JAKMIP2: variants seen among roughly 807,000 people sequenced by gnomAD.
The protein encoded by JAKMIP2 is janus kinase and microtubule interacting protein 2, also known as janus kinase and microtubule-interacting protein 2.
A neutral mutation model predicts 115.0 loss-of-function variants in JAKMIP2; 25 were observed. That is an observed-to-expected ratio of 0.22 (90% CI 0.16 to 0.30). JAKMIP2 has a LOEUF of 0.30. Ranked by LOEUF, JAKMIP2 falls within the 10% of genes least tolerant of loss-of-function variation. JAKMIP2 has a pLI of 1.00. For synonymous variants in JAKMIP2, 334 were observed against 343.6 expected, an observed-to-expected ratio of 0.97 and a Z score of 0.31; for missense variants, 642 against 957.6, an observed-to-expected ratio of 0.67 and a Z score of 4.35.
intron 1 of JAKMIP2, among the ~76,000 whole-genome samples, chr5:147,771,185 G>A (rs1183748525): frequency 6.6e-6 from 1 of 152,050 alleles, no homozygotes; most frequent in Non-Finnish European, 1.5e-5. Context: ...TAGCTTATTT[G>A]TTAAGAGCAA....
At chr5:147,742,155 A>ATATATATATATTTTTT in intron 1 of JAKMIP2, among the ~76,000 whole-genome samples, 2 of 108,884 alleles carry the variant, frequency 1.8e-5, no homozygotes, top group African/African-American at 3.8e-5. Flanking sequence ...ATATATATAT[A>ATATATATATATTTTTT]TTTTTTTTAC....
chr5:147,654,765 G>A (rs1758591124), intron 3 of JAKMIP2, among the ~76,000 whole-genome samples: 1 of 152,176 alleles, frequency 6.6e-6, no homozygotes, highest in African/African-American at 2.4e-5. Flanking sequence ...TAGGAGTGGT[G>A]AGAGAGGGCA....
At chr5:147,626,880 A>G (rs1007976905) in intron 16 of JAKMIP2, among the ~76,000 whole-genome samples, 1 of 152,162 alleles carries the variant, frequency 6.6e-6, no homozygotes, top group Non-Finnish European at 1.5e-5. Context: ...GCAGCCCTTC[A>G]TGATTCCAGC....
At chr5:147,723,787 C>T (rs866607857) in intron 1 of JAKMIP2, among the ~76,000 whole-genome samples, 3 of 152,276 alleles carry the variant, frequency 2.0e-5, no homozygotes, top group Middle Eastern at 6.8e-3. Flanking sequence ...GTCTTATCCA[C>T]CAGCCATGGC....
chr5:147,698,022 C>A (rs1481825104), intron 1 of JAKMIP2, among the ~76,000 whole-genome samples: 1 of 152,188 alleles, frequency 6.6e-6, no homozygotes, highest in African/African-American at 2.4e-5. Context: ...CACTCAACAG[C>A]AGCTGTGAAA....
intron 1 of JAKMIP2, among the ~76,000 whole-genome samples, chr5:147,743,442 C>T (rs1309967847): frequency 6.6e-6 from 1 of 152,170 alleles, no homozygotes; most frequent in Non-Finnish European, 1.5e-5. Flanking sequence ...AGGCATTAGA[C>T]TTTGATCTCA....
intron 19 of JAKMIP2, among the ~76,000 whole-genome samples, chr5:147,612,572 T>C (rs1417351038): frequency 1.3e-5 from 2 of 152,354 alleles, no homozygotes; most frequent in South Asian, 2.1e-4. Context: ...TAGAAAATCA[T>C]TGCTACTGAT....
chr5:147,724,445 A>C (rs1753436271), intron 1 of JAKMIP2, among the ~76,000 whole-genome samples: 1 of 152,230 alleles, frequency 6.6e-6, no homozygotes. Flanking sequence ...TAATAACAAT[A>C]AAAAGACAAA....
chr5:147,773,450 T>C (rs377085333), intron 1 of JAKMIP2, among the ~76,000 whole-genome samples: 2 of 135,230 alleles, frequency 1.5e-5, no homozygotes, highest in Admixed American at 1.5e-4. Flanking sequence ...AGACAGTTCA[T>C]GTTTTCAAAC....
intron 1 of JAKMIP2, among the ~76,000 whole-genome samples, chr5:147,753,343 A>G (rs1182586822): frequency 6.6e-6 from 1 of 152,208 alleles, no homozygotes; most frequent in African/African-American, 2.4e-5. Flanking sequence ...TTAATTCTAC[A>G]TACAGATTTA....
intron 3 of JAKMIP2, among the ~76,000 whole-genome samples, chr5:147,658,672 T>C (rs1280548335): frequency 6.6e-6 from 1 of 151,852 alleles, no homozygotes; most frequent in Non-Finnish European, 1.5e-5. Context: ...GAGATGAGAG[T>C]TCTGTCTGTA....
In JAKMIP2 at chr5:147,590,386, C is replaced by T. The variant is rs919718247; in HGVS notation, c.*1321G>A. The T allele has an allele frequency of 6.6e-6, 1 of 152,232 alleles. No individual in the cohort carries two copies. The highest frequency in any genetic ancestry group is 2.1e-4 in the South Asian group (1 of 4,814). The allele number at this position is 152,232 out of a possible 1,614,324, so 9.4% of individuals were successfully genotyped here. ...GAGATGACTCCAAGACTCAGTAATA[C>T]ACAACTTAGGAAAAGTACCAGTCCT... On this transcript the variant is annotated 3_prime_UTR_variant, in exon 22 of 22. Coordinates refer to ENST00000616793, the MANE Select transcript of JAKMIP2 (RefSeq NM_001270941.2).
intron 2 of JAKMIP2, among the ~76,000 whole-genome samples, chr5:147,663,497 G>A (rs1348504668): frequency 6.6e-6 from 1 of 152,136 alleles, no homozygotes; most frequent in Non-Finnish European, 1.5e-5. Flanking sequence ...TGGCTTCCTT[G>A]CTCCTCAGCT....
intron 1 of JAKMIP2, among the ~76,000 whole-genome samples, chr5:147,707,074 T>G (rs564564439): frequency 1.2e-4 from 19 of 152,284 alleles, no homozygotes; most frequent in African/African-American, 4.6e-4. Flanking sequence ...GGCACTATGA[T>G]GTAAATATAT....
At chr5:147,750,311 A>G (rs1754501242) in intron 1 of JAKMIP2, among the ~76,000 whole-genome samples, 1 of 152,146 alleles carries the variant, frequency 6.6e-6, no homozygotes, top group African/African-American at 2.4e-5. Flanking sequence ...TTCTTAACCC[A>G]AGGGACACAA....
chr5:147,626,276 G>A (rs991560323), intron 16 of JAKMIP2, among the ~76,000 whole-genome samples: 1 of 152,186 alleles, frequency 6.6e-6, no homozygotes, highest in Non-Finnish European at 1.5e-5. Flanking sequence ...CTGGTTCCTA[G>A]CTTTCTACCA....
At chr5:147,702,549 GAAAGAAGA>G in intron 1 of JAKMIP2, among the ~76,000 whole-genome samples, 1 of 121,716 alleles carries the variant, frequency 8.2e-6, no homozygotes, top group Admixed American at 8.4e-5. Flanking sequence ...GAGAGACAAA[GAAAGAAGA>G]AAGAAAGAAA....
chr5:147,647,218 T>C (rs965456893), intron 5 of JAKMIP2, among the ~76,000 whole-genome samples: 7 of 152,002 alleles, frequency 4.6e-5, no homozygotes, highest in Non-Finnish European at 7.4e-5. Context: ...CTCTAAATGT[T>C]TTGAAATTAA....
intron 1 of JAKMIP2, among the ~76,000 whole-genome samples, chr5:147,680,652 G>T (rs1349776507): frequency 6.6e-6 from 1 of 152,182 alleles, no homozygotes; most frequent in Admixed American, 6.5e-5. Flanking sequence ...TAAAATGAAT[G>T]AAGTAAACTT....
Sources: gnomAD v4.1 joint callset for allele counts (sites outside exome capture counted in the v4.1 genomes callset) on GRCh38, gnomAD v4.1.1 for gene constraint, MANE v1.5 for transcripts, NCBI Gene and HGNC (gene_info 2026-07-23, HGNC 2026-07-21) for gene names.